PTGFR: variants seen among roughly 807,000 people sequenced by gnomAD.
The protein encoded by PTGFR is prostaglandin F receptor, also known as prostaglandin F2-alpha receptor.
Under a neutral mutation model 26.2 loss-of-function variants are expected in PTGFR, and 15 were observed. That is an observed-to-expected ratio of 0.57 (90% CI 0.38 to 0.88). The LOEUF is 0.88. PTGFR is among the 40% of genes least tolerant of loss of function. The pLI, the probability that PTGFR is intolerant of heterozygous loss-of-function variation, is 0.00. For missense variants in PTGFR, 369 were observed against 427.2 expected, an observed-to-expected ratio of 0.86 and a Z score of 1.20; for synonymous variants, 165 against 151.1, an observed-to-expected ratio of 1.09 and a Z score of -0.68.
rs1239053206 is a variant in PTGFR at position 78,520,761 on chromosome 1, GT to G, written c.799-15639del. Among the ~76,000 whole-genome samples, 4 of 151,988 alleles carry G rather than the reference GT, an allele frequency of 2.6e-5. No homozygotes were observed. The East Asian group carries it at 7.7e-4, about 29-fold the overall frequency. On this transcript the variant is annotated intron_variant, in intron 2 of 2. Coordinates refer to ENST00000370757, the MANE Select transcript of PTGFR (RefSeq NM_000959.4). ...TAAAAATAATTTGATCTAGTACGCTGTTTTTTATGTTAAAATTCACCTACCA... is the reference window on the plus strand; with the variant it reads ...TAAAAATAATTTGATCTAGTACGCTGTTTTTATGTTAAAATTCACCTACCA...
intron 2 of PTGFR, among the ~76,000 whole-genome samples, chr1:78,502,319 G>A (rs1030559005): frequency 2.6e-5 from 4 of 152,142 alleles, no homozygotes; most frequent in Non-Finnish European, 4.4e-5. Context: ...GCAATATAGT[G>A]TAGTGTTTAA....
chr1:78,507,540 A>G (rs1649856446), intron 2 of PTGFR, among the ~76,000 whole-genome samples: 1 of 151,344 alleles, frequency 6.6e-6, no homozygotes, highest in Non-Finnish European at 1.5e-5. Flanking sequence ...GATATAGTCT[A>G]TGTCTACTTT....
intron 2 of PTGFR, among the ~76,000 whole-genome samples, chr1:78,498,856 G>T (rs1268462879): frequency 6.6e-6 from 1 of 152,110 alleles, no homozygotes; most frequent in Non-Finnish European, 1.5e-5. Context: ...TTTGTGAAGC[G>T]TGAGTGTCCC....
At chr1:78,518,852 C>T (rs997975710) in intron 2 of PTGFR, among the ~76,000 whole-genome samples, 5 of 151,960 alleles carry the variant, frequency 3.3e-5, no homozygotes, top group East Asian at 1.9e-4. Context: ...TTAAAAAAAT[C>T]GAGTACCCTG....
Position 78,535,291 on chromosome 1 carries a change from TGA to T in PTGFR, c.799-1108_799-1107del, listed in dbSNP as rs527378284. Among the ~76,000 whole-genome samples the T allele has an allele frequency of 9.9e-5, 15 of 151,956 alleles. No individual in the cohort carries two copies. The South Asian group carries it at 2.9e-3, about 29-fold the overall frequency. ...TATCATACGGAATTTGCAGGGGAGATGAGAGAGATGAGATTATAGAAATAGAC... is the reference window on the plus strand; with the variant it reads ...TATCATACGGAATTTGCAGGGGAGATGAGAGATGAGATTATAGAAATAGAC... On this transcript the variant is annotated intron_variant, in intron 2 of 2. Transcript: ENST00000370757.
In PTGFR at chr1:78,540,287, CA is replaced by C. The variant is rs1181695252; in HGVS notation, c.*3601del. Among the ~76,000 whole-genome samples, 1 of 152,082 alleles carries C rather than the reference CA, an allele frequency of 6.6e-6. No individual in the cohort carries two copies. Among genetic ancestry groups the C allele is most frequent in the Non-Finnish European group, 1.5e-5 (1 of 68,006 alleles). On this transcript the variant is annotated 3_prime_UTR_variant, in exon 3 of 3. Coordinates refer to ENST00000370757, the MANE Select transcript of PTGFR (RefSeq NM_000959.4). The stretch of plus-strand genomic sequence containing the variant: ...AAATAATGTGGCTTTACTAACTTCC[CA>C]GGGGGCAGCTAAGTGCAATACTATA...
intron 2 of PTGFR, among the ~76,000 whole-genome samples, chr1:78,495,806 T>C (rs1376651859): frequency 1.3e-5 from 2 of 152,234 alleles, no homozygotes; most frequent in Non-Finnish European, 2.9e-5. Flanking sequence ...ATTCCTGGAT[T>C]TTTGGTTTGG....
At chr1:78,504,296 T>C (rs1649776396) in intron 2 of PTGFR, among the ~76,000 whole-genome samples, 1 of 152,210 alleles carries the variant, frequency 6.6e-6, no homozygotes, top group Admixed American at 6.5e-5. Flanking sequence ...TCTGGGTGCA[T>C]CTATCTTTTT....
At chr1:78,519,933 CCTTTTTT>C (rs1256269168) in intron 2 of PTGFR, among the ~76,000 whole-genome samples, 1 of 152,020 alleles carries the variant, frequency 6.6e-6, no homozygotes, top group African/African-American at 2.4e-5. Context: ...TTTATAAATT[CCTTTTTT>C]CTTTTTTCCA....
intron 2 of PTGFR, among the ~76,000 whole-genome samples, chr1:78,494,629 G>A (rs201010800): frequency 1.3e-5 from 2 of 151,626 alleles, no homozygotes; most frequent in African/African-American, 2.4e-5. Flanking sequence ...TGTTTGAGAC[G>A]GAGGCTCGCT....
In PTGFR at chr1:78,504,053, A is replaced by G. The variant is rs189399537; in HGVS notation, c.798+10512A>G. On this transcript the variant is annotated intron_variant, in intron 2 of 2. Coordinates refer to ENST00000370757, the MANE Select transcript of PTGFR (RefSeq NM_000959.4). The stretch of plus-strand genomic sequence containing the variant: ...TATGAGGGTGAAGAGAGGCACTCTC[A>G]TGTTTTGGGAACTCTGTTGGAAAGG... 2.6e-5 allele frequency among the ~76,000 whole-genome samples: 4 copies of G among 152,320 alleles called. No individual in the cohort carries two copies. The East Asian group carries it at 7.7e-4, about 29-fold the overall frequency.
chr1:78,525,577 C>G (rs1650350896), intron 2 of PTGFR, among the ~76,000 whole-genome samples: 1 of 151,892 alleles, frequency 6.6e-6, no homozygotes, highest in Non-Finnish European at 1.5e-5. Context: ...TTTTTAATTA[C>G]ATTTTGGTAT....
intron 2 of PTGFR, among the ~76,000 whole-genome samples, chr1:78,509,968 T>C (rs1243580631): frequency 6.6e-6 from 1 of 152,220 alleles, no homozygotes; most frequent in Non-Finnish European, 1.5e-5. Context: ...TCTCTTGGAC[T>C]TCTTGGGTTG....
intron 2 of PTGFR, among the ~76,000 whole-genome samples, chr1:78,520,508 C>A (rs1650197178): frequency 6.6e-6 from 1 of 152,018 alleles, no homozygotes; most frequent in Non-Finnish European, 1.5e-5. Context: ...AGTTTTACAG[C>A]AGTGTAATAA....
At chr1:78,502,320 T>C (rs1024012850) in intron 2 of PTGFR, among the ~76,000 whole-genome samples, 1 of 152,150 alleles carries the variant, frequency 6.6e-6, no homozygotes. Flanking sequence ...CAATATAGTG[T>C]AGTGTTTAAG....
At chr1:78,532,414 ATATGTG>A (rs1360212848) in intron 2 of PTGFR, 86 of 119,284 alleles carry the variant, frequency 7.2e-4, no homozygotes, top group South Asian at 1.6e-3. Context: ...ATGTGTATAT[ATATGTG>A]TGTATATATG....
chr1:78,524,926 T>TTTC (rs1650335356), intron 2 of PTGFR, among the ~76,000 whole-genome samples: 1 of 141,160 alleles, frequency 7.1e-6, no homozygotes. Context: ...TTTTTTTTTT[T>TTTC]TTTTTTTTTT....
chr1:78,532,086 A>G (rs1650521670), intron 2 of PTGFR: 1 of 322,302 alleles, frequency 3.1e-6, no homozygotes, highest in Non-Finnish European at 6.0e-6. Flanking sequence ...AGGGCAGGGA[A>G]CATGGCATGT....
At chr1:78,510,893 C>A (rs1002722101) in intron 2 of PTGFR, among the ~76,000 whole-genome samples, 1 of 152,156 alleles carries the variant, frequency 6.6e-6, no homozygotes, top group Non-Finnish European at 1.5e-5. Flanking sequence ...AAAAAAGAGA[C>A]AAAAGGCCCC....
Sources: gnomAD v4.1 joint callset for allele counts (sites outside exome capture counted in the v4.1 genomes callset) on GRCh38, gnomAD v4.1.1 for gene constraint, MANE v1.5 for transcripts, NCBI Gene and HGNC (gene_info 2026-07-23, HGNC 2026-07-21) for gene names.